Variants in GRIN2D observed in about 807,000 individuals in gnomAD.
GRIN2D encodes the protein glutamate ionotropic receptor NMDA type subunit 2D.
Under a neutral mutation model 103.2 loss-of-function variants are expected in GRIN2D, and 37 were observed. The ratio of observed to expected loss-of-function variants is 0.36; its 90% CI spans 0.28 to 0.47. The LOEUF is 0.47. Ranked by LOEUF, GRIN2D falls within the 20% of genes least tolerant of loss-of-function variation. The probability of loss-of-function intolerance (pLI) is 1.00; values close to 1 mark genes in which losing one functional copy is unlikely to be tolerated. For synonymous variants in GRIN2D, 845 were observed against 885.6 expected (o/e 0.95, Z 0.81); for missense variants, 1,557 against 1,910.6 (o/e 0.81, Z 3.45).
intron 4 of GRIN2D, among the ~76,000 whole-genome samples, chr19:48,408,189 C>T (rs369616335): frequency 6.6e-6 from 1 of 151,844 alleles, no homozygotes; most frequent in Non-Finnish European, 1.5e-5. Flanking sequence ...AAAAAATTAG[C>T]CAGGCGTGGT....
At chr19:48,415,981 T>A (rs752693500) in intron 7 of GRIN2D, 21 bp from the exon 8 acceptor site, 3 of 1,589,834 alleles carry the variant, frequency 1.9e-6, no homozygotes, top group Non-Finnish European at 2.6e-6. Context: ...CCCCGCCCAC[T>A]CCTCATCGCC....
intron 11 of GRIN2D, among the ~76,000 whole-genome samples, chr19:48,428,581 T>G (rs955391240): frequency 6.6e-6 from 1 of 151,950 alleles, no homozygotes; most frequent in African/African-American, 2.4e-5. Flanking sequence ...CAGGCTGGTC[T>G]CAAACTCCCA....
chr19:48,401,670 A>T (rs1970712011), intron 3 of GRIN2D, among the ~76,000 whole-genome samples: 1 of 152,252 alleles, frequency 6.6e-6, no homozygotes, highest in Non-Finnish European at 1.5e-5. Context: ...CCTTGGGGCC[A>T]CGGTGAGGAC....
rs529911629 is a variant in GRIN2D, at chr19:48,401,583, T to C, written c.465+2726T>C. On this transcript the variant is annotated intron_variant, in intron 3 of 13. Transcript: ENST00000263269. ...TATTTGAGGAAGAGCAAGAAGGGAG[T>C]GTGGCTGGAGCCCACTGGGGGATTG... Among the ~76,000 whole-genome samples, 4 of 151,878 alleles carry C rather than the reference T, an allele frequency of 2.6e-5. No individual in the cohort carries two copies. The East Asian group carries it at 7.8e-4, about 29-fold the overall frequency.
At position 48,401,727 on chromosome 19, in the gene GRIN2D, G is replaced by T. The variant is rs538367308; in HGVS notation, c.465+2870G>T. Among the ~76,000 whole-genome samples the T allele has an allele frequency of 2.1e-4, 32 of 152,348 alleles. No individual in the cohort carries two copies. In the South Asian group the frequency reaches 6.6e-3, roughly 32 times the overall value. On this transcript the variant is annotated intron_variant, in intron 3 of 13. Transcript: ENST00000263269. ...GAATCACTGGAAGGTTTTCAATTGAGAAGGGATGTGATCCAATTAATATTT... is the reference window on the plus strand; with the variant it reads ...GAATCACTGGAAGGTTTTCAATTGATAAGGGATGTGATCCAATTAATATTT...
chr19:48,394,595 C>T lies in GRIN2D; in HGVS notation c.-305-63C>T, dbSNP rs888644645. On this transcript the variant is annotated intron_variant, in intron 1 of 13. Transcript: ENST00000263269. The surrounding 1 kb of genome is among the most constrained non-coding windows in gnomAD (Gnocchi z 5.1). ...CGGGTGGGCGGAGGGGGGATCCCCA[C>T]GGGGTCGGGGCGGCAAGAGGACACC... Among the ~76,000 whole-genome samples, 4 of 151,320 alleles carry T rather than the reference C, an allele frequency of 2.6e-5. No individual in the cohort carries two copies. The highest frequency in any genetic ancestry group is 4.4e-5 in the Non-Finnish European group (3 of 67,848).
At chr19:48,434,713 C>T (rs1014497993) in intron 11 of GRIN2D, among the ~76,000 whole-genome samples, 5 of 152,008 alleles carry the variant, frequency 3.3e-5, no homozygotes, top group African/African-American at 1.2e-4. Flanking sequence ...GGATGACAAG[C>T]TTGAGTGACC....
At position 48,443,264 on chromosome 19, in the gene GRIN2D, C is replaced by CGGAATCGGA; in HGVS notation, c.3341_3342insATCGGAGGA (p.Ser1113_Asp1114insGluSerGlu). On this transcript the variant is annotated inframe_insertion, in exon 14 of 14. Coordinates refer to ENST00000263269, the MANE Select transcript of GRIN2D (RefSeq NM_000836.4). This position sits in a 1 kb window ranked among gnomAD's most constrained non-coding sequence, Gnocchi z 8.9. ...TACCTCGATCTCGAGCCGTCGCCGTCGGACTCGGAGGACTCGGAGAGCCTG... is the reference window on the plus strand; with the variant it reads ...TACCTCGATCTCGAGCCGTCGCCGTCGGAATCGGAGGACTCGGAGGACTCGGAGAGCCTG... 6.6e-7 allele frequency: 1 copy of CGGAATCGGA among 1,524,792 alleles called. No individual in the cohort carries two copies. Among genetic ancestry groups the CGGAATCGGA allele is most frequent in the Non-Finnish European group, 8.7e-7 (1 of 1,144,878 alleles). 94.5% of individuals were successfully genotyped at this position (1,524,792 alleles called of 1,614,324 possible).
At position 48,405,098 on chromosome 19, in the gene GRIN2D, C is replaced by A. The variant is rs771300277; in HGVS notation, c.830C>A (p.Pro277His). Residue 277 changes from proline to histidine, a missense_variant, in exon 4 of 14, where the codon CCC becomes CAC. By Grantham distance (77) the Pro-to-His change is moderately conservative. Transcript: ENST00000263269. This position sits in a 1 kb window ranked among gnomAD's most constrained non-coding sequence, Gnocchi z 5.1. Reference protein sequence around the residue: ...GSGYVWFMVGPQLAGGGGSGA... With the variant: ...GSGYVWFMVGHQLAGGGGSGA... ...GGCTACGTCTGGTTCATGGTGGGGCCCCAGCTGGCTGGAGGCGGGGGCTCT... is the reference window on the plus strand; with the variant it reads ...GGCTACGTCTGGTTCATGGTGGGGCACCAGCTGGCTGGAGGCGGGGGCTCT... 6.3e-7 allele frequency: 1 copy of A among 1,595,716 alleles called. No individual in the cohort carries two copies. Among genetic ancestry groups the A allele is most frequent in the Non-Finnish European group, 8.5e-7 (1 of 1,170,686 alleles).
rs1381192929 is a variant in GRIN2D at position 48,414,694 on chromosome 19, C to T, written c.1412+110C>T. 4 of 1,263,680 alleles carry T rather than the reference C, an allele frequency of 3.2e-6. No individual in the cohort carries two copies. In the African/African-American group the frequency reaches 6.0e-5, roughly 19 times the overall value. 78.3% of individuals were successfully genotyped at this position (1,263,680 alleles called of 1,614,324 possible). ...CTTGGGACCCAGGACCCACAAAGCC[C>T]TCCAGCTTGGTGACCTTAGGCAAAC... On this transcript the variant is annotated intron_variant, in intron 6 of 13. Transcript: ENST00000263269. This position sits in a 1 kb window ranked among gnomAD's most constrained non-coding sequence, Gnocchi z 4.6.
chr19:48,400,939 GC>G (rs1039285990), intron 3 of GRIN2D, among the ~76,000 whole-genome samples: 1 of 152,042 alleles, frequency 6.6e-6, no homozygotes, highest in African/African-American at 2.4e-5. Context: ...GGTGGCGCAT[GC>G]CTGTAATCCC....
chr19:48,396,297 G>A (rs276712), intron 2 of GRIN2D, among the ~76,000 whole-genome samples: 2 of 151,976 alleles, frequency 1.3e-5, no homozygotes, highest in Non-Finnish European at 2.9e-5. Flanking sequence ...GCCCTGGAGT[G>A]GGGGAGGCTG....
Position 48,443,883 on chromosome 19 carries a change from C to A in GRIN2D, c.3957C>A (p.Asp1319Glu). Residue 1319 changes from aspartate to glutamate, a missense_variant, in exon 14 of 14, where the codon GAC becomes GAA. By Grantham distance (45) the Asp-to-Glu change is conservative. Transcript: ENST00000263269. The surrounding 1 kb of genome is among the most constrained non-coding windows in gnomAD (Gnocchi z 8.9). ...TASHRRHRGG[D>E]LGTRRGSAHF... ...CCCACCGGAGACACCGGGGCGGGGA[C>A]CTGGGCACCCGCAGGGGCTCGGCGC... 1.4e-6 allele frequency: 2 copies of A among 1,471,528 alleles called. No individual in the cohort carries two copies. The highest frequency in any genetic ancestry group is 3.0e-5 in the East Asian group (1 of 33,830). 91.2% of individuals were successfully genotyped at this position (1,471,528 alleles called of 1,614,324 possible). A position where few individuals can be genotyped will look rare whatever the true frequency, so the allele number is the denominator to read the frequency against.
intron 4 of GRIN2D, among the ~76,000 whole-genome samples, chr19:48,411,621 C>T (rs1970861485): frequency 6.6e-6 from 1 of 151,534 alleles, no homozygotes; most frequent in African/African-American, 2.4e-5. Flanking sequence ...TGCACTCCAG[C>T]CTAGGTGACA....
At chr19:48,438,989 AG>A (rs1257359026) in intron 11 of GRIN2D, among the ~76,000 whole-genome samples, 4 of 149,730 alleles carry the variant, frequency 2.7e-5, no homozygotes. Flanking sequence ...TATGTGGCCC[AG>A]GCTGGTCTCA....
Position 48,444,097 on chromosome 19 carries a change from C to T in GRIN2D, c.*160C>T, listed in dbSNP as rs1971350110. 1 of 459,448 alleles carries T rather than the reference C, an allele frequency of 2.2e-6. No homozygotes were observed. The allele number at this position is 459,448 out of a possible 1,614,324, so 28.5% of individuals were successfully genotyped here. ...CTGCGCCCCCTGGTTCTGGAGGAACCGCAAGCCGGAGAGGATTTGGTCCCT... is the reference window on the plus strand; with the variant it reads ...CTGCGCCCCCTGGTTCTGGAGGAACTGCAAGCCGGAGAGGATTTGGTCCCT... On this transcript the variant is annotated 3_prime_UTR_variant, in exon 14 of 14. Coordinates refer to ENST00000263269, the MANE Select transcript of GRIN2D (RefSeq NM_000836.4). The surrounding 1 kb of genome is among the most constrained non-coding windows in gnomAD (Gnocchi z 5.5).
chr19:48,436,029 C>A (rs1971225147), intron 11 of GRIN2D, among the ~76,000 whole-genome samples: 1 of 152,200 alleles, frequency 6.6e-6, no homozygotes, highest in Admixed American at 6.6e-5. Context: ...GTCTTTGGAG[C>A]AAACACCTGA....
At position 48,441,295 on chromosome 19, in the gene GRIN2D, G is replaced by A. The variant is rs577476000; in HGVS notation, c.2253-474G>A. Among the ~76,000 whole-genome samples, 161 of 149,820 alleles carry A rather than the reference G, an allele frequency of 1.1e-3. 1 individual carries two copies. The highest frequency in any genetic ancestry group is 3.5e-3 in the African/African-American group (140 of 40,444). ...GGAGAATCGCTTGAACCCAGGAGTCGGATCTTGCAGTGAGCCGAGACTGTG... is the reference window on the plus strand; with the variant it reads ...GGAGAATCGCTTGAACCCAGGAGTCAGATCTTGCAGTGAGCCGAGACTGTG... On this transcript the variant is annotated intron_variant, in intron 11 of 13. Transcript: ENST00000263269.
rs533790740 is a variant in GRIN2D, at chr19:48,426,204, T to TTTTC, written c.2252+4279_2252+4282dup. ...GCTTTTTTTCTTTTCTCTTCTTTCT[T>TTTTC]TTTCTTTCTTTCTTTCTTTCTTTTT... On this transcript the variant is annotated intron_variant, in intron 11 of 13. Coordinates refer to ENST00000263269, the MANE Select transcript of GRIN2D (RefSeq NM_000836.4). Among the ~76,000 whole-genome samples, 236 of 147,162 alleles carry TTTTC rather than the reference T, an allele frequency of 1.6e-3. 1 individual carries two copies. Among genetic ancestry groups the TTTTC allele is most frequent in the African/African-American group, 4.9e-3 (185 of 37,730 alleles).
Sources: allele counts gnomAD v4.1 joint callset (sites outside exome capture counted in the v4.1 genomes callset), GRCh38; gene constraint gnomAD v4.1.1; non-coding constraint Gnocchi (gnomAD v3.1); transcripts MANE v1.5; gene names NCBI Gene and HGNC (gene_info 2026-07-23, HGNC 2026-07-21).